Variants in TTYH2 observed in about 807,000 individuals in gnomAD.
The protein encoded by TTYH2 is protein tweety homolog 2.
Under a neutral mutation model 68.3 loss-of-function variants are expected in TTYH2, and 49 were observed. The observed-to-expected ratio is 0.72, with a 90% CI of 0.57 to 0.91. The LOEUF is 0.91. TTYH2 is among the 40% of genes least tolerant of loss of function. The pLI, the probability that TTYH2 is intolerant of heterozygous loss-of-function variation, is 0.00. For synonymous variants in TTYH2, 272 were observed against 300.8 expected, an observed-to-expected ratio of 0.90 and a Z score of 0.99; for missense variants, 631 against 700.4, an observed-to-expected ratio of 0.90 and a Z score of 1.12.
intron 10 of TTYH2, 38 bp from the exon 11 acceptor site, chr17:74,252,196 G>C: frequency 6.2e-7 from 1 of 1,607,954 alleles, no homozygotes; most frequent in Non-Finnish European, 8.5e-7. Flanking sequence ...CTTTGCCCCC[G>C]CTCCTTCACT....
chr17:74,231,739 C>G (rs2050391854), intron 3 of TTYH2, among the ~76,000 whole-genome samples: 1 of 152,078 alleles, frequency 6.6e-6, no homozygotes, highest in African/African-American at 2.4e-5. Context: ...AGACCTGCCC[C>G]AGCTCCTCGG....
At chr17:74,224,883 C>T (rs947223653) in intron 2 of TTYH2, among the ~76,000 whole-genome samples, 1 of 151,970 alleles carries the variant, frequency 6.6e-6, no homozygotes, top group African/African-American at 2.4e-5. Flanking sequence ...CCTGTAACCT[C>T]AGCTACTTGG....
Position 74,253,071 on chromosome 17 carries a change from A to G in TTYH2, c.1260-10A>G, listed in dbSNP as rs757692695. 23 of 1,613,112 alleles carry G rather than the reference A, an allele frequency of 1.4e-5. No homozygotes were observed. The highest frequency in any genetic ancestry group is 1.8e-5 in the Non-Finnish European group (21 of 1,179,658). ...CTTCACAGCCGGCCATCTTCTACCCATTGTTCTAGAAACAGAGACTACGAT... is the reference window on the plus strand; with the variant it reads ...CTTCACAGCCGGCCATCTTCTACCCGTTGTTCTAGAAACAGAGACTACGAT... On this transcript the variant is annotated splice_polypyrimidine_tract_variant and intron_variant, in intron 11 of 13. Transcript: ENST00000269346.
intron 6 of TTYH2, among the ~76,000 whole-genome samples, chr17:74,245,619 G>C (rs902434092): frequency 2.6e-5 from 4 of 152,242 alleles, no homozygotes; most frequent in African/African-American, 9.6e-5. Flanking sequence ...GGGAGCTGGG[G>C]AGAAAGGCCA....
rs1000389888 is a variant in TTYH2 at position 74,217,391 on chromosome 17, G to A, written c.129+3675G>A. ...ATTGGTTGGTTCCGTTCATAGATTC[G>A]CCAAAGTACAAAGTGGAGGGTACAC... On this transcript the variant is annotated intron_variant, in intron 1 of 13. Coordinates refer to ENST00000269346, the MANE Select transcript of TTYH2 (RefSeq NM_032646.6). This position sits in a 1 kb window ranked among gnomAD's most constrained non-coding sequence, Gnocchi z 4.0. Among the ~76,000 whole-genome samples the A allele has an allele frequency of 4.6e-5, 7 of 152,116 alleles. No individual in the cohort carries two copies. Among genetic ancestry groups the A allele is most frequent in the African/African-American group, 1.2e-4 (5 of 41,410 alleles).
Position 74,260,175 on chromosome 17 carries a change from A to T in TTYH2, c.1571A>T (p.His524Leu), listed in dbSNP as rs1217107332. Residue 524 changes from histidine (H) to leucine (L), a missense_variant, in exon 14 of 14, where the codon CAC becomes CTC. Coordinates refer to ENST00000269346, the MANE Select transcript of TTYH2 (RefSeq NM_032646.6). Reference sequence around the variant, plus strand: ...ACCTACCTGTCTGTGGCGGATGAGCACCTGAGGCACTACGGGAATCAGTTT... The same window carrying T: ...ACCTACCTGTCTGTGGCGGATGAGCTCCTGAGGCACTACGGGAATCAGTTT... ...RATYLSVADEHLRHYGNQFPA is the reference protein window; with the variant it reads ...RATYLSVADELLRHYGNQFPA The T allele has an allele frequency of 6.2e-7, 1 of 1,613,902 alleles. No individual in the cohort carries two copies. Among genetic ancestry groups the T allele is most frequent in the Non-Finnish European group, 8.5e-7 (1 of 1,179,906 alleles).
chr17:74,229,214 C>G (rs2050362189), intron 2 of TTYH2, among the ~76,000 whole-genome samples: 1 of 151,972 alleles, frequency 6.6e-6, no homozygotes. Context: ...CAAGAGAGAC[C>G]CAAGGTTGGC....
At chr17:74,242,483 C>T (rs988563910) in intron 4 of TTYH2, among the ~76,000 whole-genome samples, 5 of 152,306 alleles carry the variant, frequency 3.3e-5, no homozygotes, top group African/African-American at 7.2e-5. Flanking sequence ...ACCTCTGCCT[C>T]CTGGTTTCAA....
Position 74,215,559 on chromosome 17 carries a change from A to G in TTYH2, c.129+1843A>G. 1.4e-6 allele frequency: 2 copies of G among 1,438,306 alleles called. No homozygotes were observed. The highest frequency in any genetic ancestry group is 1.9e-6 in the Non-Finnish European group (2 of 1,066,370). The allele number at this position is 1,438,306 out of a possible 1,614,324, so 89.1% of individuals were successfully genotyped here. On this transcript the variant is annotated intron_variant, in intron 1 of 13. Coordinates refer to ENST00000269346, the MANE Select transcript of TTYH2 (RefSeq NM_032646.6). This position sits in a 1 kb window ranked among gnomAD's most constrained non-coding sequence, Gnocchi z 4.3. ...CAGAGGGTGTCCCTTCCCATCGGCC[A>G]CTGCTCCTGGGCAGCTGACACCAGC...
chr17:74,215,599 C>T lies in TTYH2; in HGVS notation c.129+1883C>T, dbSNP rs2050214455. 5.2e-6 allele frequency: 8 copies of T among 1,534,108 alleles called. No individual in the cohort carries two copies. The highest frequency in any genetic ancestry group is 5.2e-6 in the Non-Finnish European group (6 of 1,146,018). ...CTGACACCAGCCCTGCCCACTGGCT[C>T]CTGGTCCCGCTCACCCCCTCACCAC... On this transcript the variant is annotated intron_variant, in intron 1 of 13. Coordinates refer to ENST00000269346, the MANE Select transcript of TTYH2 (RefSeq NM_032646.6). This position sits in a 1 kb window ranked among gnomAD's most constrained non-coding sequence, Gnocchi z 4.3.
intron 11 of TTYH2, 33 bp downstream of exon 11, chr17:74,252,409 C>T (rs1416500902): frequency 1.2e-6 from 2 of 1,607,044 alleles, no homozygotes; most frequent in East Asian, 2.2e-5. Context: ...GAGCCTCCCA[C>T]AGCCTGGAGT....
chr17:74,254,456 C>G (rs1303126142), intron 13 of TTYH2, among the ~76,000 whole-genome samples: 1 of 152,214 alleles, frequency 6.6e-6, no homozygotes, highest in African/African-American at 2.4e-5. Flanking sequence ...GCATGAGCCA[C>G]CGCGCCCGGC....
intron 2 of TTYH2, among the ~76,000 whole-genome samples, chr17:74,224,385 TAC>T (rs71286190): frequency 0.013 from 2,020 of 150,128 alleles, 51 homozygotes; most frequent in African/African-American, 0.044. Context: ...CCCTGTCTCT[TAC>T]ACACACACAC....
chr17:74,238,738 A>C (rs370973605), intron 4 of TTYH2, among the ~76,000 whole-genome samples: 1 of 150,888 alleles, frequency 6.6e-6, no homozygotes, highest in East Asian at 2.0e-4. Flanking sequence ...GTGGTGGCGC[A>C]TGCCTGTAAT....
In TTYH2 at chr17:74,252,854, G is replaced by A. The variant is rs1228598189; in HGVS notation, c.1260-227G>A. ...GACGCAGGGTAGTGGGGACCCACAT[G>A]CGCATGGTCAGCGTGGTGGGGAGCC... On this transcript the variant is annotated intron_variant, in intron 11 of 13. Transcript: ENST00000269346. 2.6e-5 allele frequency among the ~76,000 whole-genome samples: 4 copies of A among 152,224 alleles called. No individual in the cohort carries two copies. In the East Asian group the frequency reaches 7.7e-4, roughly 29 times the overall value.
rs4789641 is a variant in TTYH2 at position 74,252,385 on chromosome 17, C to T, written c.1259+9C>T. ...AAGCACTTCACCACCAGGTGGGCTG[C>T]CTAGTAAGGAGGGGAGCCTCCCACA... is the stretch of plus-strand genomic sequence containing the variant. On this transcript the variant is annotated intron_variant, in intron 11 of 13. Transcript: ENST00000269346. The T allele has an allele frequency of 0.24, 393,291 of 1,611,350 alleles. 50,175 individuals are homozygous for T. Among genetic ancestry groups the T allele is most frequent in the African/African-American group, 0.35 (26,569 of 74,964 alleles).
chr17:74,215,607 C>T lies in TTYH2; in HGVS notation c.129+1891C>T, dbSNP rs571310485. The T allele has an allele frequency of 2.3e-5, 35 of 1,534,856 alleles. No homozygotes were observed. The East Asian group carries it at 6.1e-4, about 27-fold the overall frequency. ...AGCCCTGCCCACTGGCTCCTGGTCC[C>T]GCTCACCCCCTCACCACCACTCAGA... On this transcript the variant is annotated intron_variant, in intron 1 of 13. Transcript: ENST00000269346. This position sits in a 1 kb window ranked among gnomAD's most constrained non-coding sequence, Gnocchi z 4.3.
At chr17:74,247,253 T>C (rs1195616960) in intron 6 of TTYH2, among the ~76,000 whole-genome samples, 1 of 151,558 alleles carries the variant, frequency 6.6e-6, no homozygotes, top group Non-Finnish European at 1.5e-5. Flanking sequence ...TGAGAAAGAC[T>C]TGCCCCCGTG....
At position 74,213,761 on chromosome 17, in the gene TTYH2, C is replaced by G; in HGVS notation, c.129+45C>G. 6.3e-7 allele frequency: 1 copy of G among 1,593,242 alleles called. No homozygotes were observed. The highest frequency in any genetic ancestry group is 8.6e-7 in the Non-Finnish European group (1 of 1,168,918). ...GACCGCAGCCACGCGCGCCCCAAGT[C>G]CCCGCACTACCCCCTCTCCCCTCGA... On this transcript the variant is annotated intron_variant, in intron 1 of 13. Transcript: ENST00000269346. The surrounding 1 kb of genome is among the most constrained non-coding windows in gnomAD (Gnocchi z 6.1).
Sources: allele counts gnomAD v4.1 joint callset (sites outside exome capture counted in the v4.1 genomes callset), GRCh38; gene constraint gnomAD v4.1.1; non-coding constraint Gnocchi (gnomAD v3.1); transcripts MANE v1.5; gene names NCBI Gene and HGNC (gene_info 2026-07-23, HGNC 2026-07-21).